Variants in RRAGB observed in about 807,000 individuals in gnomAD.
The protein encoded by RRAGB is Ras related GTP binding B.
A neutral mutation model predicts 29.3 loss-of-function variants in RRAGB; 6 were observed. The observed-to-expected ratio is 0.21, with a 90% CI of 0.11 to 0.40. RRAGB has a LOEUF of 0.40. RRAGB is among the 10% of genes least tolerant of loss of function. The pLI is 1.00. For synonymous variants in RRAGB, 101 were observed against 92.5 expected (o/e 1.09, Z -0.53); for missense variants, 184 against 272.9 (o/e 0.67, Z 2.29).
intron 5 of RRAGB, among the ~76,000 whole-genome samples, chrX:55,734,241 G>C (rs902749729): frequency 2.8e-5 from 3 of 108,877 alleles, no homozygotes; most frequent in African/African-American, 1.0e-4. Flanking sequence ...GGGATTACAG[G>C]CTTGAGCCAC....
At chrX:55,748,181 C>G (rs2034323756) in intron 5 of RRAGB, among the ~76,000 whole-genome samples, 1 of 112,668 alleles carries the variant, frequency 8.9e-6, no homozygotes, top group Non-Finnish European at 1.9e-5. Flanking sequence ...TCAATGGTGC[C>G]CAGGCTGGAG....
In RRAGB at chrX:55,731,600, G is replaced by T. The variant is rs749737907; in HGVS notation, c.516+14G>T. On this transcript the variant is annotated intron_variant, in intron 5 of 9. Coordinates refer to ENST00000374941, the MANE Select transcript of RRAGB (RefSeq NM_006064.5). Reference sequence around the variant, plus strand: ...CAACGGGACCTGGTAAGAAACAGAAGAAGTGCTGCACCAAATGCTCGACAT... The same window carrying T: ...CAACGGGACCTGGTAAGAAACAGAATAAGTGCTGCACCAAATGCTCGACAT... 477 of 1,087,990 alleles carry T rather than the reference G, an allele frequency of 4.4e-4. No individual in the cohort carries two copies. Among genetic ancestry groups the T allele is most frequent in the Non-Finnish European group, 5.9e-4 (467 of 792,605 alleles). The allele number at this position is 1,087,990 out of a possible 1,213,427, so 89.7% of individuals were successfully genotyped here.
At chrX:55,742,395 G>A (rs1251928167) in intron 5 of RRAGB, among the ~76,000 whole-genome samples, 2 of 112,401 alleles carry the variant, frequency 1.8e-5, no homozygotes, top group African/African-American at 6.5e-5. Context: ...GGGCATTGTC[G>A]TTTTCCATTG....
chrX:55,719,345 A>G lies in RRAGB; in HGVS notation c.124A>G (p.Lys42Glu). The change falls in exon 2 of 10, where the codon AAG becomes GAG. Residue 42 changes from lysine (K) to glutamate (E), a missense_variant and splice_region_variant. Coordinates refer to ENST00000374941, the MANE Select transcript of RRAGB (RefSeq NM_006064.5). ...GCTACCAAATACAGCCATGAAGAAA[A>G]AGGTAAGACGTGTTAGATACGTCAA... ...WVLPNTAMKK[K>E]VLLMGKSGSG... 1 of 1,184,625 alleles carries G rather than the reference A, an allele frequency of 8.4e-7. No homozygotes were observed. The highest frequency in any genetic ancestry group is 1.1e-6 in the Non-Finnish European group (1 of 880,686).
chrX:55,749,228 A>T (rs1171644787), intron 5 of RRAGB, among the ~76,000 whole-genome samples: 1 of 76,452 alleles, frequency 1.3e-5, no homozygotes, highest in Non-Finnish European at 2.5e-5. Context: ...CCCGTCCGGG[A>T]GGTGAGGGGC....
chrX:55,733,550 A>G (rs894064820), intron 5 of RRAGB, among the ~76,000 whole-genome samples: 1 of 111,706 alleles, frequency 9.0e-6, no homozygotes, highest in African/African-American at 3.3e-5. Flanking sequence ...TTCTGCATCT[A>G]TTAAGATGAT....
intron 5 of RRAGB, among the ~76,000 whole-genome samples, chrX:55,735,858 C>T (rs1398495106): frequency 1.8e-5 from 2 of 112,381 alleles, no homozygotes; most frequent in Non-Finnish European, 3.8e-5. Context: ...ATTTCTCTTT[C>T]ACATATGCAA....
At chrX:55,743,833 A>G (rs1289113395) in intron 5 of RRAGB, among the ~76,000 whole-genome samples, 2 of 111,940 alleles carry the variant, frequency 1.8e-5, no homozygotes, top group Non-Finnish European at 1.9e-5. Flanking sequence ...TCTTCCTAGT[A>G]AAGTGAACAA....
intron 3 of RRAGB, among the ~76,000 whole-genome samples, chrX:55,725,052 G>A: frequency 8.9e-6 from 1 of 112,254 alleles, no homozygotes; most frequent in Non-Finnish European, 1.9e-5. Context: ...TGAATCCAGA[G>A]AACAGTCTTG....
rs767383769 is a variant in RRAGB, at chrX:55,718,749, T to G, written c.92+330T>G. Among the ~76,000 whole-genome samples the G allele has an allele frequency of 2.7e-5, 3 of 111,534 alleles. No individual in the cohort carries two copies. The East Asian group carries it at 8.5e-4, about 31-fold the overall frequency. ...GGATGGAAAGACTAGAAAGAAGATT[T>G]GCATTTCCAGGTCAGAGCTTGAGGG... On this transcript the variant is annotated intron_variant, in intron 1 of 9. Transcript: ENST00000374941.
intron 5 of RRAGB, among the ~76,000 whole-genome samples, chrX:55,742,605 T>C (rs1199296219): frequency 1.8e-5 from 2 of 111,978 alleles, no homozygotes; most frequent in African/African-American, 6.5e-5. Flanking sequence ...AGGTGGCTGG[T>C]TGGCAGTCTT....
chrX:55,736,626 T>A (rs2033873291), intron 5 of RRAGB, among the ~76,000 whole-genome samples: 1 of 111,970 alleles, frequency 8.9e-6, no homozygotes, highest in African/African-American at 3.2e-5. Flanking sequence ...ATTTTTGAAT[T>A]TATTTCTGAT....
chrX:55,745,436 G>A (rs1206189964), intron 5 of RRAGB, among the ~76,000 whole-genome samples: 1 of 112,472 alleles, frequency 8.9e-6, no homozygotes, highest in Non-Finnish European at 1.9e-5. Flanking sequence ...CTGCATACAG[G>A]TACCAGGGGA....
At chrX:55,721,217 C>A (rs756595576) in intron 2 of RRAGB, among the ~76,000 whole-genome samples, 1 of 111,722 alleles carries the variant, frequency 9.0e-6, no homozygotes, top group South Asian at 3.8e-4. Flanking sequence ...AGGGGACTTT[C>A]TCTCCCCTTC....
At chrX:55,725,237 A>G (rs1440986691) in intron 3 of RRAGB, among the ~76,000 whole-genome samples, 2 of 112,199 alleles carry the variant, frequency 1.8e-5, no homozygotes, top group African/African-American at 6.5e-5. Context: ...AACGGGACAG[A>G]GCTCTTGCCC....
Position 55,731,599 on chromosome X carries a change from A to C in RRAGB, c.516+13A>C, listed in dbSNP as rs773810148. ...TCAACGGGACCTGGTAAGAAACAGAAGAAGTGCTGCACCAAATGCTCGACA... is the reference window on the plus strand; with the variant it reads ...TCAACGGGACCTGGTAAGAAACAGACGAAGTGCTGCACCAAATGCTCGACA... On this transcript the variant is annotated intron_variant, in intron 5 of 9. Coordinates refer to ENST00000374941, the MANE Select transcript of RRAGB (RefSeq NM_006064.5). 4.3e-4 allele frequency: 476 copies of C among 1,096,185 alleles called. No individual in the cohort carries two copies. The highest frequency in any genetic ancestry group is 5.8e-4 in the Non-Finnish European group (467 of 799,134). The allele number at this position is 1,096,185 out of a possible 1,213,427, so 90.3% of individuals were successfully genotyped here. A position where few individuals can be genotyped will look rare whatever the true frequency, so the allele number is the denominator to read the frequency against.
chrX:55,718,556 C>A, intron 1 of RRAGB, 137 bp downstream of exon 1: 1 of 426,165 alleles, frequency 2.3e-6, no homozygotes. Flanking sequence ...TGGGATTATG[C>A]TTTGGACGAC....
At chrX:55,730,492 G>T (rs1009445254) in intron 4 of RRAGB, among the ~76,000 whole-genome samples, 1 of 111,916 alleles carries the variant, frequency 8.9e-6, no homozygotes, top group African/African-American at 3.3e-5. Flanking sequence ...CAAAGTGCAG[G>T]ACTAGAACCT....
intron 5 of RRAGB, among the ~76,000 whole-genome samples, chrX:55,739,737 C>T (rs2147099661): frequency 9.0e-6 from 1 of 111,285 alleles, no homozygotes; most frequent in East Asian, 2.8e-4. Context: ...TAAAAATTTA[C>T]ACTGTGAATC....
Sources: allele counts gnomAD v4.1 joint callset (sites outside exome capture counted in the v4.1 genomes callset), GRCh38; gene constraint gnomAD v4.1.1; transcripts MANE v1.5; gene names NCBI Gene and HGNC (gene_info 2026-07-23, HGNC 2026-07-21).